LRTM2: variants seen among roughly 807,000 people sequenced by gnomAD.
The protein encoded by LRTM2 is leucine-rich repeat and transmembrane domain-containing protein 2.
Under a neutral mutation model 28.1 loss-of-function variants are expected in LRTM2, and 18 were observed. The observed-to-expected ratio is 0.64, with a 90% confidence interval of 0.44 to 0.95. The LOEUF (loss-of-function observed/expected upper bound fraction) is 0.95, where lower values mean the gene tolerates loss of function less well. Ranked by LOEUF, LRTM2 falls within the 40% of genes least tolerant of loss-of-function variation. The pLI is 0.00. For missense variants in LRTM2, 436 were observed against 497.2 expected (o/e 0.88, Z 1.17); for synonymous variants, 250 against 218.7 (o/e 1.14, Z -1.26).
Position 1,828,169 on chromosome 12 carries a change from C to T in LRTM2, c.21C>T (p.Ser7=), listed in dbSNP as rs1339692981. The change falls in exon 3 of 5, where the codon AGC becomes AGT. Residue 7 remains serine, a synonymous_variant. Coordinates refer to ENST00000299194, the MANE Select transcript of LRTM2 (RefSeq NM_001039029.3). This position sits in a 1 kb window ranked among gnomAD's most constrained non-coding sequence, Gnocchi z 4.2. The part of the protein sequence containing the change: MLAPGS[S]PGQRGRLALQ... ...TCACCATGCTGGCGCCGGGCAGCAG[C>T]CCTGGGCAGAGGGGCAGGCTCGCCC... 2 of 1,546,118 alleles carry T rather than the reference C, an allele frequency of 1.3e-6. No individual in the cohort carries two copies. The highest frequency in any genetic ancestry group is 1.7e-6 in the Non-Finnish European group (2 of 1,144,912).
chr12:1,832,359 C>T (rs1864672824), intron 4 of LRTM2, among the ~76,000 whole-genome samples: 1 of 152,216 alleles, frequency 6.6e-6, no homozygotes, highest in African/African-American at 2.4e-5. Context: ...TGTGGCAATG[C>T]ACGGAACGTG....
chr12:1,830,884 G>C, intron 3 of LRTM2, 51 bp from the exon 4 acceptor site: 1 of 1,443,770 alleles, frequency 6.9e-7, no homozygotes, highest in Non-Finnish European at 9.4e-7. Context: ...GAAGCAGGAG[G>C]TGGTGACCCG....
chr12:1,831,980 G>C (rs954244090), intron 4 of LRTM2, among the ~76,000 whole-genome samples: 4 of 152,200 alleles, frequency 2.6e-5, no homozygotes, highest in African/African-American at 9.7e-5. Context: ...CCTTACATGA[G>C]AGGGGAATAG....
In LRTM2 at chr12:1,833,002, A is replaced by C. The variant is rs895517359; in HGVS notation, c.659-1265A>C. Among the ~76,000 whole-genome samples the C allele has an allele frequency of 6.6e-6, 1 of 152,100 alleles. No homozygotes were observed. Among genetic ancestry groups the C allele is most frequent in the African/African-American group, 2.4e-5 (1 of 41,412 alleles). Reference sequence around the variant, plus strand: ...ATGTGAGGTTTGCTGCAGGCCACCGAGGTGTCAGCCGCACAGGGGAACTAG... The same window carrying C: ...ATGTGAGGTTTGCTGCAGGCCACCGCGGTGTCAGCCGCACAGGGGAACTAG... On this transcript the variant is annotated intron_variant, in intron 4 of 4. Coordinates refer to ENST00000299194, the MANE Select transcript of LRTM2 (RefSeq NM_001039029.3). This position sits in a 1 kb window ranked among gnomAD's most constrained non-coding sequence, Gnocchi z 4.2.
chr12:1,821,823 C>A (rs1864115902), intron 1 of LRTM2, among the ~76,000 whole-genome samples: 1 of 152,122 alleles, frequency 6.6e-6, no homozygotes, highest in Admixed American at 6.5e-5. Flanking sequence ...AGTTGGCGGC[C>A]CTGTCTCTCC....
intron 2 of LRTM2, 27 bp downstream of exon 2, chr12:1,827,621 C>T (rs534929365): frequency 4.0e-4 from 62 of 153,332 alleles, no homozygotes; most frequent in South Asian, 8.3e-4. Flanking sequence ...CTAGAGGAAC[C>T]GGGACCCAGG....
Position 1,828,966 on chromosome 12 carries a change from G to A in LRTM2, c.67+751G>A, listed in dbSNP as rs571768381. ...GGTGGCAGGGAGGAAACGGTCCCGC[G>A]GGACGGCATTCCGCCTGACTTCCCG... On this transcript the variant is annotated intron_variant, in intron 3 of 4. Transcript: ENST00000299194. This position sits in a 1 kb window ranked among gnomAD's most constrained non-coding sequence, Gnocchi z 4.2. Among the ~76,000 whole-genome samples, 153 of 152,320 alleles carry A rather than the reference G, an allele frequency of 1.0e-3. No homozygotes were observed. Among genetic ancestry groups the A allele is most frequent in the Middle Eastern group, 3.4e-3 (1 of 294 alleles).
At position 1,835,019 on chromosome 12, in the gene LRTM2, T is replaced by G; in HGVS notation, c.*298T>G. 2.6e-6 allele frequency: 1 copy of G among 386,438 alleles called. No individual in the cohort carries two copies. Among genetic ancestry groups the G allele is most frequent in the East Asian group, 4.7e-5 (1 of 21,104 alleles). The allele number at this position is 386,438 out of a possible 1,614,324, so 23.9% of individuals were successfully genotyped here. On this transcript the variant is annotated 3_prime_UTR_variant, in exon 5 of 5. Transcript: ENST00000299194. ...CAAGGAGGTGTGTGCAAGAGGAGGC[T>G]TCCGGACTGGGCATTCCCCTGTCGC...
In LRTM2 at chr12:1,822,828, C is replaced by T. The variant is rs573095347; in HGVS notation, c.-259+2014C>T. Among the ~76,000 whole-genome samples the T allele has an allele frequency of 7.9e-5, 12 of 152,172 alleles. No individual in the cohort carries two copies. The East Asian group carries it at 1.5e-3, about 20-fold the overall frequency. ...AGCGGTAGGCGGAGCCCAGCCTAGA[C>T]GGCTGTGGCAGCCTCCCCTGCGTCC... On this transcript the variant is annotated intron_variant, in intron 1 of 4. Coordinates refer to ENST00000299194, the MANE Select transcript of LRTM2 (RefSeq NM_001039029.3).
At chr12:1,824,170 CA>C (rs1864222495) in intron 1 of LRTM2, among the ~76,000 whole-genome samples, 1 of 152,204 alleles carries the variant, frequency 6.6e-6, no homozygotes, top group Non-Finnish European at 1.5e-5. Flanking sequence ...GGCTCAGGGA[CA>C]GGCCAGCATG....
rs968363489 is a variant in LRTM2 at position 1,820,767 on chromosome 12, G to T, written c.-306G>T. 1.1e-4 allele frequency: 16 copies of T among 152,364 alleles called. No homozygotes were observed. Among genetic ancestry groups the T allele is most frequent in the African/African-American group, 3.6e-4 (15 of 41,460 alleles). The allele number at this position is 152,364 out of a possible 1,614,324, so 9.4% of individuals were successfully genotyped here. A position where few individuals can be genotyped will look rare whatever the true frequency, so the allele number is the denominator to read the frequency against. On this transcript the variant is annotated 5_prime_UTR_variant, in exon 1 of 5. Transcript: ENST00000299194. This position sits in a 1 kb window ranked among gnomAD's most constrained non-coding sequence, Gnocchi z 6.0. The stretch of plus-strand genomic sequence containing the variant: ...GAATCCCAGGAGGGTCTTACTGGAG[G>T]GTTGAGAGCCACCTGATTGAAGGCG...
chr12:1,831,329 G>A lies in LRTM2; in HGVS notation c.462G>A (p.Gln154=), dbSNP rs369887294. ...ACCTGTCCATCAACGGCCTGGCCCA[G>A]TTGCCCCCTGGTCTTTTCGACGGGC... is the stretch of plus-strand genomic sequence containing the variant. ...HLDLSINGLA[Q]LPPGLFDGLL... The change falls in exon 4 of 5, where the codon CAG becomes CAA. Residue 154 remains glutamine, a synonymous_variant. Transcript: ENST00000299194. 1 of 1,613,700 alleles carries A rather than the reference G, an allele frequency of 6.2e-7. No homozygotes were observed. The highest frequency in any genetic ancestry group is 1.3e-5 in the African/African-American group (1 of 74,944).
chr12:1,825,027 C>T (rs945990646), intron 1 of LRTM2, among the ~76,000 whole-genome samples: 4 of 152,234 alleles, frequency 2.6e-5, no homozygotes, highest in Admixed American at 2.6e-4. Flanking sequence ...GTTTTCATCA[C>T]ATTTCTCTAA....
chr12:1,826,984 G>T (rs1032539245), intron 1 of LRTM2, among the ~76,000 whole-genome samples: 6 of 152,236 alleles, frequency 3.9e-5, no homozygotes, highest in African/African-American at 1.4e-4. Context: ...TGGGGGCAGG[G>T]AGAGGGAGGC....
At position 1,834,461 on chromosome 12, in the gene LRTM2, C is replaced by T. The variant is rs1284082311; in HGVS notation, c.853C>T (p.Pro285Ser). ...TGCTAAGCCCAAGCCCGGGGCTGAG[C>T]CGGAGCCGGAGCCCAGCACAGCCTG... The part of the protein sequence containing the change: ...EPAKPKPGAE[P>S]EPEPSTACPQ... Residue 285 changes from proline to serine, a missense_variant, in exon 5 of 5, where the codon CCG becomes TCG. Pro to Ser is a moderately conservative substitution (Grantham distance 74). Transcript: ENST00000299194. This position sits in a 1 kb window ranked among gnomAD's most constrained non-coding sequence, Gnocchi z 7.6. 2.5e-6 allele frequency: 4 copies of T among 1,610,774 alleles called. No homozygotes were observed. The highest frequency in any genetic ancestry group is 3.4e-6 in the Non-Finnish European group (4 of 1,179,756).
rs1050072379 is a variant in LRTM2 at position 1,826,406 on chromosome 12, C to A, written c.-258-1004C>A. 1.1e-3 allele frequency among the ~76,000 whole-genome samples: 60 copies of A among 57,006 alleles called. 1 individual carries two copies. The highest frequency in any genetic ancestry group is 2.4e-3 in the Non-Finnish European group (51 of 20,968). The allele number at this position is 57,006 out of a possible 152,430, so 37.4% of individuals were successfully genotyped here. On this transcript the variant is annotated intron_variant, in intron 1 of 4. Transcript: ENST00000299194. The stretch of plus-strand genomic sequence containing the variant: ...CCAGAGATTTGAACCCAGAGCCCCC[C>A]CCCCCCCCCCGCCAACTGGCACCAG...
At chr12:1,826,049 A>T (rs1273790278) in intron 1 of LRTM2, among the ~76,000 whole-genome samples, 1 of 152,164 alleles carries the variant, frequency 6.6e-6, no homozygotes, top group Non-Finnish European at 1.5e-5. Context: ...TAGACTCCAC[A>T]GGCCCGGGGT....
At chr12:1,827,085 C>T (rs1362624817) in intron 1 of LRTM2, among the ~76,000 whole-genome samples, 1 of 152,186 alleles carries the variant, frequency 6.6e-6, no homozygotes, top group Non-Finnish European at 1.5e-5. Context: ...CGCAGGGAGC[C>T]CGTGGAGGGC....
rs534991278 is a variant in LRTM2 at position 1,835,001 on chromosome 12, G to T, written c.*280G>T. 1.0e-5 allele frequency: 5 copies of T among 489,608 alleles called. No homozygotes were observed. In the South Asian group the frequency reaches 1.6e-4, roughly 16 times the overall value. 30.3% of individuals were successfully genotyped at this position (489,608 alleles called of 1,614,324 possible). On this transcript the variant is annotated 3_prime_UTR_variant, in exon 5 of 5. Transcript: ENST00000299194. ...GCTCTGGCCACAGCAAAGCAAGGAG[G>T]TGTGTGCAAGAGGAGGCTTCCGGAC... is the stretch of plus-strand genomic sequence containing the variant.
Sources: gnomAD v4.1 joint callset for allele counts (sites outside exome capture counted in the v4.1 genomes callset) on GRCh38, gnomAD v4.1.1 for gene constraint, Gnocchi (gnomAD v3.1) non-coding constraint, MANE v1.5 for transcripts, NCBI Gene and HGNC (gene_info 2026-07-23, HGNC 2026-07-21) for gene names.